GPD2: variants seen among roughly 807,000 people sequenced by gnomAD.
GPD2 encodes glycerol-3-phosphate dehydrogenase 2.
In GPD2, 54 loss-of-function variants were observed where a neutral mutation model predicts 82.4. The observed-to-expected ratio is 0.66, with a 90% CI of 0.53 to 0.82. The LOEUF (loss-of-function observed/expected upper bound fraction) is 0.82. Ranked by LOEUF, GPD2 falls within the 40% of genes least tolerant of loss-of-function variation. GPD2 has a pLI of 0.00. For missense variants in GPD2, 748 were observed against 896.2 expected (o/e 0.83, Z 2.11); for synonymous variants, 288 against 306.1 (o/e 0.94, Z 0.62).
chr2:156,481,155 A>G (rs775052617), intron 2 of GPD2, among the ~76,000 whole-genome samples: 9 of 151,882 alleles, frequency 5.9e-5, no homozygotes, highest in Non-Finnish European at 1.3e-4. Flanking sequence ...ATTTATTTAC[A>G]TATTTATTCC....
intron 9 of GPD2, among the ~76,000 whole-genome samples, chr2:156,566,418 T>C (rs1687393185): frequency 6.6e-6 from 1 of 152,118 alleles, no homozygotes; most frequent in Non-Finnish European, 1.5e-5. Flanking sequence ...CATTCTACTT[T>C]CTGCTCCTAT....
At chr2:156,534,425 G>A (rs1685987121) in intron 6 of GPD2, among the ~76,000 whole-genome samples, 1 of 152,332 alleles carries the variant, frequency 6.6e-6, no homozygotes, top group East Asian at 1.9e-4. Context: ...TTAGGGCCAT[G>A]GGTTTCCAGG....
At chr2:156,494,506 G>T (rs1684298908) in intron 2 of GPD2, among the ~76,000 whole-genome samples, 1 of 152,170 alleles carries the variant, frequency 6.6e-6, no homozygotes, top group African/African-American at 2.4e-5. Flanking sequence ...ATGGCTTCTA[G>T]ATTTACTTTC....
intron 1 of GPD2, among the ~76,000 whole-genome samples, chr2:156,455,050 G>A (rs1357310552): frequency 6.6e-6 from 1 of 151,942 alleles, no homozygotes; most frequent in Non-Finnish European, 1.5e-5. Context: ...TCTGTTTGAA[G>A]GACTAAGGAC....
At chr2:156,554,952 A>G (rs1686905271) in intron 8 of GPD2, among the ~76,000 whole-genome samples, 1 of 152,234 alleles carries the variant, frequency 6.6e-6, no homozygotes, top group Non-Finnish European at 1.5e-5. Context: ...ATAAATTAGC[A>G]GCAAGCTTTT....
Position 156,507,741 on chromosome 2 carries a change from A to C in GPD2, c.275-3055A>C, listed in dbSNP as rs527716858. ...CAGATATTACTTACTTGTGAGAAAC[A>C]GTGGTTAACAGGACAAGATCCAAAT... On this transcript the variant is annotated intron_variant, in intron 3 of 16. Coordinates refer to ENST00000438166, the MANE Select transcript of GPD2 (RefSeq NM_000408.5). Among the ~76,000 whole-genome samples, 7 of 152,336 alleles carry C rather than the reference A, an allele frequency of 4.6e-5. No individual in the cohort carries two copies. The South Asian group carries it at 1.5e-3, about 32-fold the overall frequency.
intron 2 of GPD2, among the ~76,000 whole-genome samples, chr2:156,488,335 A>G (rs904194965): frequency 6.6e-6 from 1 of 152,218 alleles, no homozygotes; most frequent in Non-Finnish European, 1.5e-5. Context: ...TTAGGAATAT[A>G]TAAATATGGT....
intron 1 of GPD2, chr2:156,473,524 G>A (rs546797286): frequency 6.6e-6 from 1 of 152,226 alleles, no homozygotes; most frequent in South Asian, 2.1e-4. Context: ...TCCTTTGTGA[G>A]GTCAACAATG....
intron 1 of GPD2, among the ~76,000 whole-genome samples, chr2:156,459,663 G>A (rs1237693208): frequency 1.9e-5 from 2 of 105,252 alleles, no homozygotes; most frequent in Non-Finnish European, 3.5e-5. Flanking sequence ...ATTCTAGCCT[G>A]GCGACAGAGC....
intron 6 of GPD2, among the ~76,000 whole-genome samples, chr2:156,531,591 G>A (rs533531847): frequency 2.8e-4 from 42 of 152,326 alleles, no homozygotes; most frequent in Admixed American, 5.9e-4. Flanking sequence ...CACAGATGTC[G>A]TGTGGCACCT....
intron 6 of GPD2, among the ~76,000 whole-genome samples, chr2:156,529,419 CT>C (rs1685752818): frequency 7.3e-6 from 1 of 136,580 alleles, no homozygotes; most frequent in South Asian, 2.5e-4. Flanking sequence ...GTTTCTTTTG[CT>C]GTGCAGAAGC....
Position 156,501,834 on chromosome 2 carries a change from C to T in GPD2, c.274+5619C>T, listed in dbSNP as rs1039133211. The T allele has an allele frequency of 1.1e-4, 18 of 169,306 alleles. 1 individual carries two copies. The South Asian group carries it at 1.8e-3, about 17-fold the overall frequency. The allele number at this position is 169,306 out of a possible 1,614,324, so 10.5% of individuals were successfully genotyped here. On this transcript the variant is annotated intron_variant, in intron 3 of 16. Transcript: ENST00000438166. ...CTGTAAAACTTTAAGAAGAGAACTACGCCTGTGAGATTTACTAGACTGATT... is the reference window on the plus strand; with the variant it reads ...CTGTAAAACTTTAAGAAGAGAACTATGCCTGTGAGATTTACTAGACTGATT...
At chr2:156,469,414 C>T (rs1485979853) in intron 1 of GPD2, among the ~76,000 whole-genome samples, 1 of 152,194 alleles carries the variant, frequency 6.6e-6, no homozygotes, top group Non-Finnish European at 1.5e-5. Flanking sequence ...ATCTGCCCAC[C>T]TTGGCATCCC....
chr2:156,442,395 T>G (rs1418127499), intron 1 of GPD2, among the ~76,000 whole-genome samples: 1 of 152,176 alleles, frequency 6.6e-6, no homozygotes, highest in Non-Finnish European at 1.5e-5. Context: ...AGGAAAAACT[T>G]TGGTCAAGAT....
At chr2:156,470,657 GT>G (rs1683298091) in intron 1 of GPD2, among the ~76,000 whole-genome samples, 1 of 152,212 alleles carries the variant, frequency 6.6e-6, no homozygotes, top group Non-Finnish European at 1.5e-5. Flanking sequence ...CTTGTGCATA[GT>G]TGCCTTGCCT....
At chr2:156,514,957 C>T (rs1685145801) in intron 6 of GPD2, among the ~76,000 whole-genome samples, 1 of 152,150 alleles carries the variant, frequency 6.6e-6, no homozygotes, top group Admixed American at 6.5e-5. Flanking sequence ...TAAATAGCGT[C>T]CTGCCCATCC....
chr2:156,569,232 T>C (rs1029088357), intron 10 of GPD2, 131 bp from the exon 11 acceptor site: 10 of 721,748 alleles, frequency 1.4e-5, no homozygotes, highest in Admixed American at 2.3e-5. Flanking sequence ...TTATTCTGAA[T>C]TAAGTTTTAC....
the GPD2 span, among the ~76,000 whole-genome samples, chr2:156,403,125 A>AAAAAAAG: frequency 6.6e-6 from 1 of 151,590 alleles, no homozygotes; most frequent in Admixed American, 6.6e-5. Flanking sequence ...AAAAAAAAAA[A>AAAAAAAG]AAAAAAAAAT....
chr2:156,512,374 A>T, intron 5 of GPD2, 57 bp downstream of exon 5: 2 of 839,890 alleles, frequency 2.4e-6, no homozygotes, highest in Non-Finnish European at 4.2e-6. Context: ...ATAGAACAAC[A>T]GTTTTAATGG....
Sources: gnomAD v4.1 joint callset for allele counts (sites outside exome capture counted in the v4.1 genomes callset) on GRCh38, gnomAD v4.1.1 for gene constraint, MANE v1.5 for transcripts, NCBI Gene and HGNC (gene_info 2026-07-23, HGNC 2026-07-21) for gene names.